PLSCR4: variants seen among roughly 807,000 people sequenced by gnomAD.
The protein encoded by PLSCR4 is phospholipid scramblase 4.
In PLSCR4, 25 loss-of-function variants were observed where a neutral mutation model predicts 36.3. The ratio of observed to expected loss-of-function variants is 0.69; its 90% CI spans 0.50 to 0.96. The LOEUF (loss-of-function observed/expected upper bound fraction) is 0.96. Among genes scored for constraint, PLSCR4 ranks in the 40% least tolerant of loss-of-function variants. The probability of loss-of-function intolerance (pLI) is 0.00; values close to 1 mark genes in which losing one functional copy is unlikely to be tolerated. For missense variants in PLSCR4, 408 were observed against 414.7 expected (o/e 0.98, Z 0.14); for synonymous variants, 122 against 132.9 (o/e 0.92, Z 0.56).
At chr3:146,248,764 T>C (rs1049595275) in intron 1 of PLSCR4, among the ~76,000 whole-genome samples, 1 of 152,180 alleles carries the variant, frequency 6.6e-6, no homozygotes, top group Non-Finnish European at 1.5e-5. Flanking sequence ...GCTGGATAAA[T>C]TCCAGTTAAG....
intron 1 of PLSCR4, among the ~76,000 whole-genome samples, chr3:146,242,125 C>T (rs900813461): frequency 5.3e-5 from 8 of 152,124 alleles, no homozygotes; most frequent in African/African-American, 1.2e-4. Context: ...AAGCAAATAC[C>T]AGGCTGGATC....
chr3:146,224,572 G>A (rs13086396), intron 1 of PLSCR4, among the ~76,000 whole-genome samples: 49,064 of 151,700 alleles, frequency 0.32, 8,606 homozygotes, highest in South Asian at 0.45. Context: ...GCAGACCTTC[G>A]CGGTGAGTGT....
intron 4 of PLSCR4, among the ~76,000 whole-genome samples, chr3:146,202,984 C>T (rs1196742834): frequency 6.6e-6 from 1 of 152,004 alleles, no homozygotes; most frequent in East Asian, 1.9e-4. Flanking sequence ...GAAATTACTT[C>T]CTCCACTGAA....
chr3:146,206,509 G>T lies in PLSCR4; in HGVS notation c.354+17C>A, dbSNP rs772335054. The stretch of plus-strand genomic sequence containing the variant: ...GTCACATTTCATAAGAAAATAATTT[G>T]TATTTTCATGGAGTACCTGAACTAA... On this transcript the variant is annotated intron_variant, in intron 4 of 8. Transcript: ENST00000354952. 7.5e-5 allele frequency: 115 copies of T among 1,533,548 alleles called. No homozygotes were observed. The highest frequency in any genetic ancestry group is 1.0e-4 in the Non-Finnish European group (112 of 1,107,166). The allele number at this position is 1,533,548 out of a possible 1,614,324, so 95.0% of individuals were successfully genotyped here.
Position 146,203,189 on chromosome 3 carries a change from T to C in PLSCR4, c.355-2112A>G, listed in dbSNP as rs563084166. Among the ~76,000 whole-genome samples, 14 of 152,158 alleles carry C rather than the reference T, an allele frequency of 9.2e-5. 1 individual carries two copies. Among genetic ancestry groups the C allele is most frequent in the African/African-American group, 3.1e-4 (13 of 41,550 alleles). ...GAAATGACACCATCTATGGCAACTA[T>C]AGCCTAACGAAATTCATTTTTTTAA... On this transcript the variant is annotated intron_variant, in intron 4 of 8. Coordinates refer to ENST00000354952, the MANE Select transcript of PLSCR4 (RefSeq NM_020353.3).
At chr3:146,203,131 G>C (rs184709909) in intron 4 of PLSCR4, among the ~76,000 whole-genome samples, 2 of 151,958 alleles carry the variant, frequency 1.3e-5, no homozygotes, top group East Asian at 3.9e-4. Flanking sequence ...CTTTCCACAT[G>C]GTTTTCAATT....
chr3:146,240,802 T>C (rs908504426), intron 1 of PLSCR4, among the ~76,000 whole-genome samples: 2 of 152,228 alleles, frequency 1.3e-5, no homozygotes, highest in Admixed American at 1.3e-4. Context: ...AGTTTCATTA[T>C]GGTTAATACA....
chr3:146,200,133 T>C (rs2033968301), intron 5 of PLSCR4, 94 bp from the exon 6 acceptor site: 5 of 713,612 alleles, frequency 7.0e-6, no homozygotes, highest in South Asian at 3.5e-5. Flanking sequence ...TAAAGCAACA[T>C]AGCTTTTTTA....
chr3:146,196,669 C>T lies in PLSCR4; in HGVS notation c.749G>A (p.Cys250Tyr). The T allele has an allele frequency of 2.5e-6, 4 of 1,613,992 alleles. No individual in the cohort carries two copies. Among genetic ancestry groups the T allele is most frequent in the Non-Finnish European group, 3.4e-6 (4 of 1,179,896 alleles). The part of the protein sequence containing the change: ...KENVMRVRGP[C>Y]STYGCGSDSV... Reference sequence around the variant, plus strand: ...ATCTGAACCACAGCCATAGGTTGAGCATGGCCCACGAACTCTCATCACATT... The same window carrying T: ...ATCTGAACCACAGCCATAGGTTGAGTATGGCCCACGAACTCTCATCACATT... Residue 250 changes from cysteine (C) to tyrosine (Y), a missense_variant, in exon 7 of 9, where the codon TGC becomes TAC. Physicochemically the swap from Cys to Tyr is radical, Grantham distance 194. Coordinates refer to ENST00000354952, the MANE Select transcript of PLSCR4 (RefSeq NM_020353.3).
rs1361745725 is a variant in PLSCR4, at chr3:146,193,476, A to T, written c.*935T>A. On this transcript the variant is annotated 3_prime_UTR_variant, in exon 9 of 9. Coordinates refer to ENST00000354952, the MANE Select transcript of PLSCR4 (RefSeq NM_020353.3). ...ACAAAAACAAAAACAAAAAACAATG[A>T]TCTCTTCTGGGTATCACATCAAATG... 1 of 152,184 alleles carries T rather than the reference A, an allele frequency of 6.6e-6. No homozygotes were observed. The highest frequency in any genetic ancestry group is 1.9e-4 in the East Asian group (1 of 5,200). 9.4% of individuals were successfully genotyped at this position (152,184 alleles called of 1,614,324 possible). A position where few individuals can be genotyped will look rare whatever the true frequency, so the allele number is the denominator to read the frequency against.
chr3:146,240,596 C>A (rs1301135015), intron 1 of PLSCR4, among the ~76,000 whole-genome samples: 1 of 152,174 alleles, frequency 6.6e-6, no homozygotes, highest in South Asian at 2.1e-4. Flanking sequence ...GAGCAAGATC[C>A]TGTCTCTTGA....
At chr3:146,221,822 T>C (rs1462280393) in intron 2 of PLSCR4, among the ~76,000 whole-genome samples, 1 of 152,154 alleles carries the variant, frequency 6.6e-6, no homozygotes, top group Non-Finnish European at 1.5e-5. Flanking sequence ...CTTCAAAGAT[T>C]ATTCAGTAGA....
chr3:146,197,507 A>G (rs1559897023), intron 6 of PLSCR4, among the ~76,000 whole-genome samples: 1 of 152,194 alleles, frequency 6.6e-6, no homozygotes, highest in Non-Finnish European at 1.5e-5. Context: ...CATGAAAATT[A>G]TAACAGAAAA....
intron 3 of PLSCR4, among the ~76,000 whole-genome samples, chr3:146,210,446 G>A (rs1559907096): frequency 6.6e-6 from 1 of 151,830 alleles, no homozygotes; most frequent in African/African-American, 2.4e-5. Flanking sequence ...TAAATTTAGA[G>A]AAAAAAATCA....
At chr3:146,233,960 G>T (rs1451276414) in intron 1 of PLSCR4, among the ~76,000 whole-genome samples, 6 of 83,326 alleles carry the variant, frequency 7.2e-5, no homozygotes, top group Admixed American at 1.6e-4. Flanking sequence ...ACTCGGTAAG[G>T]GTTTTGAAAT....
chr3:146,213,129 T>C (rs995070064), intron 3 of PLSCR4, among the ~76,000 whole-genome samples: 4 of 152,260 alleles, frequency 2.6e-5, no homozygotes, highest in Admixed American at 1.3e-4. Context: ...GGTTTGCTAG[T>C]AATTTGTTGA....
In PLSCR4 at chr3:146,223,958, ATATTTATT is replaced by A. The variant is rs72179951; in HGVS notation, c.-21-1874_-21-1867del. On this transcript the variant is annotated intron_variant, in intron 1 of 8. Coordinates refer to ENST00000354952, the MANE Select transcript of PLSCR4 (RefSeq NM_020353.3). ...AATATATAATAATTATAAATAATAA[ATATTTATT>A]TATTTATTTATTTATTCTGGGGCAT... is the stretch of plus-strand genomic sequence containing the variant. 3.5e-4 allele frequency among the ~76,000 whole-genome samples: 51 copies of A among 145,312 alleles called. No individual in the cohort carries two copies. The South Asian group carries it at 9.0e-3, about 26-fold the overall frequency.
At chr3:146,225,233 T>C (rs985279941) in intron 1 of PLSCR4, among the ~76,000 whole-genome samples, 1 of 152,114 alleles carries the variant, frequency 6.6e-6, no homozygotes, top group Non-Finnish European at 1.5e-5. Context: ...CCAGAGCAGC[T>C]AGTTACAGAG....
At chr3:146,207,006 C>T (rs919733390) in intron 3 of PLSCR4, among the ~76,000 whole-genome samples, 3 of 152,020 alleles carry the variant, frequency 2.0e-5, no homozygotes, top group Non-Finnish European at 4.4e-5. Context: ...TTCAATGGTA[C>T]AAAAATAAGT....
Sources: gnomAD v4.1 joint callset for allele counts (sites outside exome capture counted in the v4.1 genomes callset) on GRCh38, gnomAD v4.1.1 for gene constraint, MANE v1.5 for transcripts, NCBI Gene and HGNC (gene_info 2026-07-23, HGNC 2026-07-21) for gene names.